Variants in SLC35F3 observed in about 807,000 individuals in gnomAD.
SLC35F3 encodes the protein putative thiamine transporter SLC35F3.
A neutral mutation model predicts 49.9 loss-of-function variants in SLC35F3; 25 were observed. That is an observed-to-expected ratio of 0.50 (90% CI 0.37 to 0.70). SLC35F3 has a LOEUF of 0.70. Ranked by LOEUF, SLC35F3 falls within the 30% of genes least tolerant of loss-of-function variation. SLC35F3 has a pLI of 0.00. For missense variants in SLC35F3, 525 were observed against 639.8 expected, an observed-to-expected ratio of 0.82 and a Z score of 1.94; for synonymous variants, 275 against 265.4, an observed-to-expected ratio of 1.04 and a Z score of -0.35.
At chr1:234,079,878 GAC>G (rs1558223763) in intron 2 of SLC35F3, among the ~76,000 whole-genome samples, 2 of 152,162 alleles carry the variant, frequency 1.3e-5, no homozygotes, top group South Asian at 2.1e-4. Flanking sequence ...GATATAAAAA[GAC>G]ACAATATATT....
At chr1:234,055,481 G>A (rs1664443788) in intron 2 of SLC35F3, among the ~76,000 whole-genome samples, 2 of 152,216 alleles carry the variant, frequency 1.3e-5, no homozygotes, top group Non-Finnish European at 2.9e-5. Flanking sequence ...ATCTCCTGGT[G>A]AGCCATTTGC....
chr1:234,295,536 G>A (rs183773645), intron 3 of SLC35F3, among the ~76,000 whole-genome samples: 14 of 152,130 alleles, frequency 9.2e-5, no homozygotes, highest in African/African-American at 2.4e-4. Flanking sequence ...GCTCGCCCAA[G>A]GTCTTCAGGA....
At chr1:234,312,614 C>T (rs1657384029) in intron 4 of SLC35F3, among the ~76,000 whole-genome samples, 2 of 152,172 alleles carry the variant, frequency 1.3e-5, no homozygotes, top group Admixed American at 6.5e-5. Context: ...TACTCTCGGA[C>T]ATAGAAGGTG....
intron 2 of SLC35F3, among the ~76,000 whole-genome samples, chr1:233,951,066 C>G (rs1662599351): frequency 6.6e-6 from 1 of 151,562 alleles, no homozygotes; most frequent in South Asian, 2.1e-4. Flanking sequence ...AAATGCTTTT[C>G]ATGTCCAGCT....
At position 233,951,542 on chromosome 1, in the gene SLC35F3, G is replaced by T. The variant is rs577846601; in HGVS notation, c.283+45784G>T. Among the ~76,000 whole-genome samples, 56 of 151,948 alleles carry T rather than the reference G, an allele frequency of 3.7e-4. No homozygotes were observed. In the South Asian group the frequency reaches 0.012, roughly 32 times the overall value. On this transcript the variant is annotated intron_variant, in intron 2 of 7. Transcript: ENST00000366618. ...GCATAAATACTTTTGTGCTATAATT[G>T]CCTACAGCAGGGGTTCCCAACTCCT... is the stretch of plus-strand genomic sequence containing the variant.
chr1:233,922,505 T>TTTTTTTC (rs1553286718), intron 2 of SLC35F3, among the ~76,000 whole-genome samples: 1 of 120,650 alleles, frequency 8.3e-6, no homozygotes, highest in African/African-American at 3.1e-5. Context: ...TTTTTTTTTT[T>TTTTTTTC]CTTGTAAATT....
Position 234,183,163 on chromosome 1 carries a change from C to T in SLC35F3, c.284-48254C>T, listed in dbSNP as rs1414939355. ...TCCTGAGTAACTGAGATTACAGATGCACACCACCACACCCAGCTAATTCTT... is the reference window on the plus strand; with the variant it reads ...TCCTGAGTAACTGAGATTACAGATGTACACCACCACACCCAGCTAATTCTT... On this transcript the variant is annotated intron_variant, in intron 2 of 7. Transcript: ENST00000366618. Among the ~76,000 whole-genome samples, 8 of 142,202 alleles carry T rather than the reference C, an allele frequency of 5.6e-5. 1 individual carries two copies. Among genetic ancestry groups the T allele is most frequent in the African/African-American group, 1.7e-4 (7 of 41,030 alleles). The allele number at this position is 142,202 out of a possible 152,430, so 93.3% of individuals were successfully genotyped here. A position where few individuals can be genotyped will look rare whatever the true frequency, so the allele number is the denominator to read the frequency against.
intron 2 of SLC35F3, among the ~76,000 whole-genome samples, chr1:234,016,412 G>A (rs1663803332): frequency 6.6e-6 from 1 of 152,154 alleles, no homozygotes; most frequent in Non-Finnish European, 1.5e-5. Context: ...ATGGATTAAT[G>A]GATAAAGAAA....
chr1:233,947,877 T>C (rs988079053), intron 2 of SLC35F3, among the ~76,000 whole-genome samples: 8 of 148,732 alleles, frequency 5.4e-5, no homozygotes, highest in African/African-American at 1.7e-4. Context: ...AAGTTTGTTC[T>C]TCCTCCAGCC....
chr1:234,148,488 A>G (rs1666027791), intron 2 of SLC35F3, among the ~76,000 whole-genome samples: 1 of 152,158 alleles, frequency 6.6e-6, no homozygotes, highest in South Asian at 2.1e-4. Flanking sequence ...GAGACAGAAA[A>G]TCTATACCTC....
intron 3 of SLC35F3, chr1:234,285,188 C>T (rs188830133): frequency 1.7e-5 from 6 of 349,462 alleles, no homozygotes; most frequent in East Asian, 1.6e-4. Context: ...CTTCACACTA[C>T]GTGTAGACTC....
chr1:234,275,241 A>C (rs1274709354), intron 3 of SLC35F3, among the ~76,000 whole-genome samples: 1 of 152,188 alleles, frequency 6.6e-6, no homozygotes, highest in Non-Finnish European at 1.5e-5. Flanking sequence ...ATGTGTACAA[A>C]GTGTATCAGA....
chr1:234,250,116 C>T (rs992492285), intron 3 of SLC35F3, among the ~76,000 whole-genome samples: 4 of 152,184 alleles, frequency 2.6e-5, no homozygotes, highest in African/African-American at 9.7e-5. Flanking sequence ...CCTGTGCCAG[C>T]ATTCTAAGAA....
chr1:234,272,676 A>G (rs1358291750), intron 3 of SLC35F3, among the ~76,000 whole-genome samples: 3 of 152,238 alleles, frequency 2.0e-5, no homozygotes, highest in Non-Finnish European at 2.9e-5. Context: ...AGATGCTTCT[A>G]GAACAGCATT....
Position 234,206,966 on chromosome 1 carries a change from A to G in SLC35F3, c.284-24451A>G, listed in dbSNP as rs115515492. 6.6e-3 allele frequency among the ~76,000 whole-genome samples: 1,000 copies of G among 152,238 alleles called. 13 individuals carry two copies. Among genetic ancestry groups the G allele is most frequent in the African/African-American group, 0.022 (920 of 41,540 alleles). On this transcript the variant is annotated intron_variant, in intron 2 of 7. Coordinates refer to ENST00000366618, the MANE Select transcript of SLC35F3 (RefSeq NM_173508.4). ...CCGACTCAAGCCCAGCCTGAGGGCC[A>G]TTCTCCTTGATTCACCCTTGGAAAC...
intron 3 of SLC35F3, among the ~76,000 whole-genome samples, chr1:234,281,379 T>G (rs563492410): frequency 3.3e-5 from 5 of 152,114 alleles, no homozygotes; most frequent in Non-Finnish European, 7.4e-5. Context: ...CAAATAAGAA[T>G]GTGTTAAGCC....
intron 2 of SLC35F3, among the ~76,000 whole-genome samples, chr1:233,941,962 G>GTTTT (rs547024039): frequency 8.4e-6 from 1 of 118,912 alleles, no homozygotes; most frequent in African/African-American, 2.9e-5. Context: ...TTGTTTTTTT[G>GTTTT]TTTTTTTTTT....
chr1:234,188,144 G>A (rs1666674776), intron 2 of SLC35F3, among the ~76,000 whole-genome samples: 1 of 152,108 alleles, frequency 6.6e-6, no homozygotes. Context: ...GGCTGAGGCA[G>A]GAGAATCGCT....
chr1:234,172,487 G>A (rs559375862), intron 2 of SLC35F3, among the ~76,000 whole-genome samples: 3 of 152,152 alleles, frequency 2.0e-5, no homozygotes, highest in South Asian at 2.1e-4. Context: ...TTGGCCTCCC[G>A]AAGTGCTAGG....
Sources: gnomAD v4.1 joint callset for allele counts (sites outside exome capture counted in the v4.1 genomes callset) on GRCh38, gnomAD v4.1.1 for gene constraint, MANE v1.5 for transcripts, NCBI Gene and HGNC (gene_info 2026-07-23, HGNC 2026-07-21) for gene names.